Variants in SRRM1 observed in about 807,000 individuals in gnomAD.
SRRM1 encodes serine and arginine repetitive matrix 1.
SRRM1 carries 19 observed loss-of-function variants against 110.2 expected under a neutral mutation model. The ratio of observed to expected loss-of-function variants is 0.17; its 90% CI spans 0.12 to 0.25. The LOEUF (loss-of-function observed/expected upper bound fraction) is 0.25, where lower values mean the gene tolerates loss of function less well. SRRM1 is among the 10% of genes least tolerant of loss of function. The probability of loss-of-function intolerance (pLI) is 1.00; values close to 1 mark genes in which losing one functional copy is unlikely to be tolerated. For missense variants in SRRM1, 918 were observed against 1,145.8 expected (o/e 0.80, Z 2.87); for synonymous variants, 443 against 414.9 (o/e 1.07, Z -0.82).
rs779447462 is a variant in SRRM1, at chr1:24,666,917, A to G, written c.1731A>G (p.Pro577=). 6.2e-6 allele frequency: 10 copies of G among 1,603,650 alleles called. 1 individual carries two copies. Among genetic ancestry groups the G allele is most frequent in the South Asian group, 5.6e-5 (5 of 89,892 alleles). Residue 577 remains proline, a synonymous_variant, in exon 13 of 17, where the codon CCA becomes CCG. Transcript: ENST00000323848. ...GGCGCAGGACTCCCACACCACCACC[A>G]CGACGAAGGTACTTTGTCAAATATG... ...PRRRRTPTPP[P]RRRTPSPPPR...
rs1222679257 is a variant in SRRM1, at chr1:24,652,585, C to T, written c.877C>T (p.Pro293Ser). Residue 293 changes from proline to serine, a missense_variant, in exon 7 of 17, where the codon CCT (proline) becomes TCT (serine). Transcript: ENST00000323848. ...AAGATCCCGGACGCGGTCCCGCTCT[C>T]CTTCTCACACTCGACCTAGACGGCG... ...KSRSRTRSRS[P>S]SHTRPRRRHR... is the part of the protein sequence containing the mutation. The T allele has an allele frequency of 5.6e-6, 9 of 1,613,106 alleles. No homozygotes were observed. Among genetic ancestry groups the T allele is most frequent in the South Asian group, 1.1e-5 (1 of 90,852 alleles).
chr1:24,655,769 A>G (rs75862034), intron 9 of SRRM1, among the ~76,000 whole-genome samples: 1 of 152,172 alleles, frequency 6.6e-6, no homozygotes, highest in Admixed American at 6.5e-5. Flanking sequence ...ATACGCATGG[A>G]AAAAACTGTA....
At chr1:24,651,633 T>C (rs1225534089) in intron 6 of SRRM1, 21 bp downstream of exon 6, 20 of 1,550,568 alleles carry the variant, frequency 1.3e-5, no homozygotes, top group Non-Finnish European at 1.8e-5. Context: ...AAAAATTCAT[T>C]TATAAATAAT....
intron 5 of SRRM1, among the ~76,000 whole-genome samples, chr1:24,650,381 GT>G (rs1292319957): frequency 2.4e-4 from 36 of 152,222 alleles, no homozygotes; most frequent in African/African-American, 8.4e-4. Flanking sequence ...GTTAATTTGG[GT>G]TTTTAAAAAT....
Position 24,660,660 on chromosome 1 carries a change from G to A in SRRM1, c.1316-59G>A. 3 of 791,864 alleles carry A rather than the reference G, an allele frequency of 3.8e-6. No individual in the cohort carries two copies. In the South Asian group the frequency reaches 6.9e-5, roughly 18 times the overall value. 49.1% of individuals were successfully genotyped at this position (791,864 alleles called of 1,614,324 possible). The stretch of plus-strand genomic sequence containing the variant: ...TAAATTTTTAAAAATTAAAAGAAAA[G>A]CATCTTGTATAGACCTTTTTTTGTA... On this transcript the variant is annotated intron_variant, in intron 9 of 16. Coordinates refer to ENST00000323848, the MANE Select transcript of SRRM1 (RefSeq NM_005839.4).
In SRRM1 at chr1:24,660,808, G is replaced by T. The variant is rs145732567; in HGVS notation, c.1396+9G>T. Reference sequence around the variant, plus strand: ...AGAGTTATCTGAATCGGGTAAGTTTGTTGTTTTTTTTTGTGATTTTGGTTT... The same window carrying T: ...AGAGTTATCTGAATCGGGTAAGTTTTTTGTTTTTTTTTGTGATTTTGGTTT... On this transcript the variant is annotated intron_variant, in intron 10 of 16. Coordinates refer to ENST00000323848, the MANE Select transcript of SRRM1 (RefSeq NM_005839.4). 14,881 of 1,562,444 alleles carry T rather than the reference G, an allele frequency of 9.5e-3. 93 individuals are homozygous for T. The highest frequency in any genetic ancestry group is 0.018 in the Middle Eastern group (107 of 5,858).
intron 14 of SRRM1, chr1:24,669,847 A>G (rs755785605): frequency 1.1e-5 from 6 of 560,170 alleles, no homozygotes; most frequent in Non-Finnish European, 1.9e-5. Flanking sequence ...CTTGAGTAAG[A>G]CATTGAACAT....
chr1:24,644,887 A>G (rs966294985), intron 1 of SRRM1, among the ~76,000 whole-genome samples: 2 of 152,214 alleles, frequency 1.3e-5, no homozygotes, highest in Non-Finnish European at 2.9e-5. Context: ...AAATTTTAAC[A>G]TGAAGTTTGC....
In SRRM1 at chr1:24,673,161, C is replaced by T. The variant is rs1348827041; in HGVS notation, c.*875C>T. On this transcript the variant is annotated 3_prime_UTR_variant, in exon 17 of 17. Transcript: ENST00000323848. ...AAGGGCCCAGACTTTGGAATAGTGT[C>T]TTGGTTTCACTGTTTTTGTTTTGAT... is the stretch of plus-strand genomic sequence containing the variant. The T allele has an allele frequency of 6.7e-6, 1 of 148,456 alleles. No homozygotes were observed. The highest frequency in any genetic ancestry group is 2.5e-5 in the African/African-American group (1 of 40,124). The allele number at this position is 148,456 out of a possible 1,614,324, so 9.2% of individuals were successfully genotyped here. A position where few individuals can be genotyped will look rare whatever the true frequency, so the allele number is the denominator to read the frequency against.
At chr1:24,669,911 A>G (rs973615896) in intron 14 of SRRM1, 4 of 571,886 alleles carry the variant, frequency 7.0e-6, no homozygotes, top group African/African-American at 5.7e-5. Flanking sequence ...AAGAAGCATC[A>G]TTAACAGAAT....
At chr1:24,662,100 C>A (rs1667555458) in intron 11 of SRRM1, among the ~76,000 whole-genome samples, 2 of 151,542 alleles carry the variant, frequency 1.3e-5, no homozygotes, top group South Asian at 4.2e-4. Context: ...TTTGTTTCCA[C>A]AAAAAAAATA....
intron 12 of SRRM1, among the ~76,000 whole-genome samples, chr1:24,664,790 C>T (rs975433291): frequency 4.6e-5 from 7 of 152,112 alleles, no homozygotes; most frequent in African/African-American, 1.7e-4. Flanking sequence ...TTATCTCTGG[C>T]TTTTGTGAAG....
At chr1:24,658,655 G>A (rs1335808475) in intron 9 of SRRM1, among the ~76,000 whole-genome samples, 1 of 152,022 alleles carries the variant, frequency 6.6e-6, no homozygotes, top group Non-Finnish European at 1.5e-5. Context: ...TTTTAACGAC[G>A]TGCCCATAAT....
Position 24,651,483 on chromosome 1 carries a change from G to A in SRRM1, c.596G>A (p.Arg199Gln), listed in dbSNP as rs1266741422. Residue 199 changes from arginine (R) to glutamine (Q), a missense_variant, in exon 6 of 17, where the codon CGA becomes CAA. Coordinates refer to ENST00000323848, the MANE Select transcript of SRRM1 (RefSeq NM_005839.4). The part of the protein sequence containing the change: ...VRRERKRSHS[R>Q]SPRHRTKSRS... ...AGAGAGAGAAAGCGCAGTCATTCTCGATCTCCCCGTCACAGAACCAAGAGC... is the reference window on the plus strand; with the variant it reads ...AGAGAGAGAAAGCGCAGTCATTCTCAATCTCCCCGTCACAGAACCAAGAGC... 8.1e-6 allele frequency: 13 copies of A among 1,613,942 alleles called. No individual in the cohort carries two copies. The highest frequency in any genetic ancestry group is 1.0e-5 in the Non-Finnish European group (12 of 1,180,014).
intron 6 of SRRM1, 148 bp downstream of exon 6, chr1:24,651,760 G>A (rs867368765): frequency 1.4e-6 from 1 of 715,550 alleles, no homozygotes; most frequent in South Asian, 2.2e-5. Context: ...AAATTGTTTA[G>A]GAGAGTATAT....
Position 24,646,601 on chromosome 1 carries a change from A to G in SRRM1, c.112-66A>G, listed in dbSNP as rs948768306. On this transcript the variant is annotated intron_variant, in intron 2 of 16. Transcript: ENST00000323848. ...GCTAAAAGGAACTTTGGTAGACAGAACTCTAACTTGAGCATTTTTTTTTAG... is the reference window on the plus strand; with the variant it reads ...GCTAAAAGGAACTTTGGTAGACAGAGCTCTAACTTGAGCATTTTTTTTTAG... 2.8e-6 allele frequency: 4 copies of G among 1,414,986 alleles called. No homozygotes were observed. The Admixed American group carries it at 9.7e-5, about 34-fold the overall frequency. The allele number at this position is 1,414,986 out of a possible 1,614,324, so 87.7% of individuals were successfully genotyped here. A position where few individuals can be genotyped will look rare whatever the true frequency, so the allele number is the denominator to read the frequency against.
intron 12 of SRRM1, chr1:24,663,271 G>A (rs4649011): frequency 7.0e-7 from 1 of 1,433,576 alleles, no homozygotes; most frequent in Non-Finnish European, 9.4e-7. Flanking sequence ...GTCAAAAATT[G>A]TAGTGACTTA....
At chr1:24,651,864 G>A (rs897568590) in intron 6 of SRRM1, among the ~76,000 whole-genome samples, 9 of 150,536 alleles carry the variant, frequency 6.0e-5, no homozygotes, top group African/African-American at 1.7e-4. Context: ...TTTCCTCAAC[G>A]TATTGTGGAC....
intron 12 of SRRM1, among the ~76,000 whole-genome samples, chr1:24,664,112 C>A (rs1668688097): frequency 6.7e-6 from 1 of 150,320 alleles, no homozygotes; most frequent in Admixed American, 6.7e-5. Flanking sequence ...TCTCCTGCCT[C>A]AGCCTCCTGA....
Sources: gnomAD v4.1 joint callset for allele counts (sites outside exome capture counted in the v4.1 genomes callset) on GRCh38, gnomAD v4.1.1 for gene constraint, MANE v1.5 for transcripts, NCBI Gene and HGNC (gene_info 2026-07-23, HGNC 2026-07-21) for gene names.